CNTN5: variants seen among roughly 807,000 people sequenced by gnomAD.
CNTN5 encodes contactin 5.
A neutral mutation model predicts 129.1 loss-of-function variants in CNTN5; 77 were observed. The observed-to-expected ratio is 0.60, with a 90% CI of 0.50 to 0.72. The LOEUF (loss-of-function observed/expected upper bound fraction) is 0.72. Among genes scored for constraint, CNTN5 ranks in the 30% least tolerant of loss-of-function variants. CNTN5 has a pLI of 0.00. For synonymous variants in CNTN5, 509 were observed against 465.6 expected (o/e 1.09, Z -1.20); for missense variants, 1,478 against 1,328.8 (o/e 1.11, Z -1.75).
intron 3 of CNTN5, among the ~76,000 whole-genome samples, chr11:99,647,013 T>C (rs2135865250): frequency 1.3e-5 from 2 of 151,560 alleles, no homozygotes; most frequent in Admixed American, 6.6e-5. Flanking sequence ...TCCTTTGCCA[T>C]GTACAAGCTT....
rs577600158 is a variant in CNTN5, at chr11:100,050,175, C to T, written c.981-11037C>T. On this transcript the variant is annotated intron_variant, in intron 9 of 24. Coordinates refer to ENST00000524871, the MANE Select transcript of CNTN5 (RefSeq NM_014361.4). ...ATGCTGCTATAAAGACACATGCACA[C>T]GTATGTTTATTGTGGCACTATTCAC... 1.4e-3 allele frequency among the ~76,000 whole-genome samples: 211 copies of T among 152,208 alleles called. 2 individuals carry two copies. Among genetic ancestry groups the T allele is most frequent in the African/African-American group, 4.8e-3 (200 of 41,530 alleles).
chr11:99,634,783 A>G (rs1951489635), intron 3 of CNTN5, among the ~76,000 whole-genome samples: 1 of 152,182 alleles, frequency 6.6e-6, no homozygotes, highest in Non-Finnish European at 1.5e-5. Context: ...GTATTGGGCA[A>G]GAACGGAGAT....
At chr11:99,685,934 C>T (rs1045206375) in intron 3 of CNTN5, among the ~76,000 whole-genome samples, 3 of 151,936 alleles carry the variant, frequency 2.0e-5, no homozygotes, top group Non-Finnish European at 4.4e-5. Context: ...TCTATTCCCA[C>T]TTCATAGTTT....
chr11:99,958,284 G>T (rs1334137867), intron 8 of CNTN5, among the ~76,000 whole-genome samples: 2 of 152,150 alleles, frequency 1.3e-5, no homozygotes, highest in African/African-American at 4.8e-5. Flanking sequence ...TAAGAAGGTA[G>T]GATTACCAGC....
intron 2 of CNTN5, among the ~76,000 whole-genome samples, chr11:99,368,417 G>A (rs1939596694): frequency 6.6e-6 from 1 of 151,698 alleles, no homozygotes; most frequent in Non-Finnish European, 1.5e-5. Context: ...TGAGGCAGGA[G>A]GATCACTTGA....
chr11:99,899,679 T>G, intron 6 of CNTN5, among the ~76,000 whole-genome samples: 1 of 152,022 alleles, frequency 6.6e-6, no homozygotes, highest in East Asian at 1.9e-4. Flanking sequence ...TATTGACCTA[T>G]AATTCCTTTT....
chr11:99,550,031 C>G (rs1443537137), intron 2 of CNTN5, among the ~76,000 whole-genome samples: 1 of 152,034 alleles, frequency 6.6e-6, no homozygotes, highest in Non-Finnish European at 1.5e-5. Context: ...TTTGTTGAGG[C>G]TTAAAAAATG....
chr11:100,133,365 G>A (rs1350011409), intron 13 of CNTN5, among the ~76,000 whole-genome samples: 3 of 152,016 alleles, frequency 2.0e-5, no homozygotes, highest in Non-Finnish European at 2.9e-5. Context: ...ATTCATTTTG[G>A]TTTGTTGTCA....
chr11:100,068,684 A>C (rs758041006), intron 10 of CNTN5, among the ~76,000 whole-genome samples: 1 of 152,230 alleles, frequency 6.6e-6, no homozygotes, highest in Non-Finnish European at 1.5e-5. Flanking sequence ...TACAAAAATC[A>C]TGATGAATAT....
chr11:99,547,949 T>A (rs954039205), intron 2 of CNTN5, among the ~76,000 whole-genome samples: 1 of 152,178 alleles, frequency 6.6e-6, no homozygotes, highest in Non-Finnish European at 1.5e-5. Context: ...TGCCCCAGCT[T>A]CGTTATCTGT....
chr11:99,262,659 A>T (rs1862695389), intron 1 of CNTN5, among the ~76,000 whole-genome samples: 1 of 151,436 alleles, frequency 6.6e-6, no homozygotes, highest in Non-Finnish European at 1.5e-5. Flanking sequence ...CATATGGATG[A>T]ATACCAAGTG....
chr11:99,554,177 C>T (rs1445033668), intron 2 of CNTN5, among the ~76,000 whole-genome samples: 1 of 152,098 alleles, frequency 6.6e-6, no homozygotes, highest in Non-Finnish European at 1.5e-5. Context: ...CACATGCATT[C>T]CTACTAAAAT....
In CNTN5 at chr11:99,735,922, G is replaced by A. The variant is rs150514709; in HGVS notation, c.56-83622G>A. Among the ~76,000 whole-genome samples, 807 of 152,062 alleles carry A rather than the reference G, an allele frequency of 5.3e-3. 5 individuals carry two copies. The highest frequency in any genetic ancestry group is 0.017 in the Middle Eastern group (5 of 294). On this transcript the variant is annotated intron_variant, in intron 3 of 24. Coordinates refer to ENST00000524871, the MANE Select transcript of CNTN5 (RefSeq NM_014361.4). Reference sequence around the variant, plus strand: ...TGAAACTTTGTACACCTTGACCACCGTCTCCTCATTCATCCTCCCCCAGCC... The same window carrying A: ...TGAAACTTTGTACACCTTGACCACCATCTCCTCATTCATCCTCCCCCAGCC...
intron 7 of CNTN5, among the ~76,000 whole-genome samples, chr11:99,930,604 A>G (rs1216040150): frequency 1.3e-5 from 2 of 152,166 alleles, no homozygotes; most frequent in Admixed American, 6.6e-5. Flanking sequence ...ACATGGTCTG[A>G]AATTTTACTA....
chr11:100,287,731 T>C (rs1357520995), intron 18 of CNTN5, among the ~76,000 whole-genome samples: 1 of 152,118 alleles, frequency 6.6e-6, no homozygotes, highest in African/African-American at 2.4e-5. Context: ...AACATCATAA[T>C]GACAGGATCA....
At chr11:100,137,269 G>T (rs1946557706) in intron 13 of CNTN5, among the ~76,000 whole-genome samples, 1 of 151,978 alleles carries the variant, frequency 6.6e-6, no homozygotes, top group African/African-American at 2.4e-5. Context: ...CCATATAGGA[G>T]GCTTATAATG....
intron 2 of CNTN5, among the ~76,000 whole-genome samples, chr11:99,513,102 A>G (rs114824184): frequency 4.3e-4 from 65 of 152,244 alleles, no homozygotes; most frequent in African/African-American, 1.5e-3. Context: ...AAAAGAGAAA[A>G]AGCTTTATTG....
intron 1 of CNTN5, among the ~76,000 whole-genome samples, chr11:99,205,770 A>G (rs1433537358): frequency 1.3e-5 from 2 of 152,212 alleles, no homozygotes; most frequent in Admixed American, 1.3e-4. Flanking sequence ...TCAAAAAATT[A>G]TATTGCATGC....
chr11:99,865,782 A>G (rs1948338932), intron 6 of CNTN5, among the ~76,000 whole-genome samples: 1 of 152,100 alleles, frequency 6.6e-6, no homozygotes, highest in Non-Finnish European at 1.5e-5. Flanking sequence ...GTGATTTGTT[A>G]AGTTTATTGC....
Sources: allele counts gnomAD v4.1 joint callset (sites outside exome capture counted in the v4.1 genomes callset), GRCh38; gene constraint gnomAD v4.1.1; transcripts MANE v1.5; gene names NCBI Gene and HGNC (gene_info 2026-07-23, HGNC 2026-07-21).